The following HPSE2 variants were observed in gnomAD, a reference collection of about 807,000 sequenced individuals.
The protein encoded by HPSE2 is heparanase 2 (inactive), also known as inactive heparanase-2.
HPSE2 carries 38 observed loss-of-function variants against 60.5 expected under a neutral mutation model. The observed-to-expected ratio is 0.63, with a 90% CI of 0.48 to 0.82. The LOEUF is 0.82. Among genes scored for constraint, HPSE2 ranks in the 40% least tolerant of loss-of-function variants. The probability of loss-of-function intolerance (pLI) is 0.00; values close to 1 mark genes in which losing one functional copy is unlikely to be tolerated. For missense variants in HPSE2, 713 were observed against 740.4 expected (o/e 0.96, Z 0.43); for synonymous variants, 295 against 293.2 (o/e 1.01, Z -0.06).
chr10:99,133,216 G>GA (rs1845515377), intron 3 of HPSE2, among the ~76,000 whole-genome samples: 1 of 152,154 alleles, frequency 6.6e-6, no homozygotes, highest in African/African-American at 2.4e-5. Context: ...GGGCATGTCT[G>GA]AAAAAAAGGC....
At position 98,931,074 on chromosome 10, in the gene HPSE2, TTTTC is replaced by T. The variant is rs1954628514; in HGVS notation, c.611-187022_611-187019del. ...TATGTCCTGAATGGTATTGCCTAGA[TTTTC>T]TTCTAGGGTTTTTATGGTTTTCGGT... On this transcript the variant is annotated intron_variant, in intron 3 of 11. Coordinates refer to ENST00000370552, the MANE Select transcript of HPSE2 (RefSeq NM_021828.5). Among the ~76,000 whole-genome samples the T allele has an allele frequency of 1.4e-5, 2 of 144,272 alleles. 1 individual carries two copies. The highest frequency in any genetic ancestry group is 4.2e-4 in the South Asian group (2 of 4,748). The allele number at this position is 144,272 out of a possible 152,430, so 94.6% of individuals were successfully genotyped here.
chr10:99,298,583 T>C, the HPSE2 span, among the ~76,000 whole-genome samples: 1 of 152,188 alleles, frequency 6.6e-6, no homozygotes, highest in South Asian at 2.1e-4. Context: ...CTGGCCTAGA[T>C]ATGGTTCTTT....
intron 3 of HPSE2, among the ~76,000 whole-genome samples, chr10:99,136,205 T>C (rs1845644101): frequency 6.6e-6 from 1 of 152,088 alleles, no homozygotes; most frequent in South Asian, 2.1e-4. Context: ...GTCGAATCTC[T>C]GAAAAAACCA....
At chr10:98,943,248 A>G (rs2135162679) in intron 3 of HPSE2, among the ~76,000 whole-genome samples, 1 of 151,654 alleles carries the variant, frequency 6.6e-6, no homozygotes, top group Admixed American at 6.6e-5. Context: ...ACAATAAAAA[A>G]TTATAATAAA....
intron 3 of HPSE2, among the ~76,000 whole-genome samples, chr10:99,057,824 C>G (rs981660844): frequency 2.6e-5 from 4 of 152,178 alleles, no homozygotes; most frequent in African/African-American, 9.7e-5. Context: ...TCATGCTATC[C>G]TTTCCCGCCC....
At chr10:99,140,738 A>C (rs1260823677) in intron 3 of HPSE2, among the ~76,000 whole-genome samples, 3 of 152,194 alleles carry the variant, frequency 2.0e-5, no homozygotes, top group Non-Finnish European at 4.4e-5. Flanking sequence ...TCAATATTAT[A>C]CCTAAAAAGT....
chr10:98,513,764 T>C (rs1219174385), intron 9 of HPSE2, among the ~76,000 whole-genome samples: 1 of 152,232 alleles, frequency 6.6e-6, no homozygotes, highest in Non-Finnish European at 1.5e-5. Context: ...CATGAAAGTC[T>C]GGTATGCCAG....
chr10:99,012,208 T>C (rs1957033946), intron 3 of HPSE2, among the ~76,000 whole-genome samples: 1 of 152,130 alleles, frequency 6.6e-6, no homozygotes, highest in Non-Finnish European at 1.5e-5. Flanking sequence ...TTAATCACAA[T>C]TTATGATAGA....
intron 2 of HPSE2, among the ~76,000 whole-genome samples, chr10:99,201,775 C>T (rs1848582560): frequency 6.6e-6 from 1 of 152,080 alleles, no homozygotes; most frequent in African/African-American, 2.4e-5. Context: ...GGTTAATATG[C>T]ATAAAACAAA....
At chr10:99,205,000 A>G (rs1235574199) in intron 2 of HPSE2, among the ~76,000 whole-genome samples, 1 of 152,186 alleles carries the variant, frequency 6.6e-6, no homozygotes, top group Admixed American at 6.5e-5. Flanking sequence ...AGAAAACCAA[A>G]TGCTGCATGT....
At chr10:99,234,952 T>C (rs1289357112) in intron 1 of HPSE2, among the ~76,000 whole-genome samples, 2 of 152,242 alleles carry the variant, frequency 1.3e-5, no homozygotes, top group Admixed American at 1.3e-4. Flanking sequence ...AAATTTTAAC[T>C]CCGATCCAAC....
intron 3 of HPSE2, among the ~76,000 whole-genome samples, chr10:99,111,871 T>C (rs563255108): frequency 6.6e-6 from 1 of 152,338 alleles, no homozygotes; most frequent in Admixed American, 6.5e-5. Flanking sequence ...TCCTCCAATA[T>C]AGCCCCAATG....
chr10:99,260,628 G>A, the HPSE2 span, among the ~76,000 whole-genome samples: 5 of 152,052 alleles, frequency 3.3e-5, no homozygotes, highest in African/African-American at 9.7e-5. Context: ...AAACTCTGGC[G>A]CAGTCCCGGA....
At chr10:98,689,594 GTTTCTA>G (rs1948020817) in intron 6 of HPSE2, among the ~76,000 whole-genome samples, 2 of 151,966 alleles carry the variant, frequency 1.3e-5, no homozygotes, top group Admixed American at 1.3e-4. Flanking sequence ...TCATCTCAAG[GTTTCTA>G]TTTATTGCTT....
chr10:98,625,997 T>G (rs982408355), intron 7 of HPSE2, among the ~76,000 whole-genome samples: 1 of 151,778 alleles, frequency 6.6e-6, no homozygotes, highest in Non-Finnish European at 1.5e-5. Flanking sequence ...TTCCAGCTAC[T>G]TGGGAGCCTG....
intron 2 of HPSE2, among the ~76,000 whole-genome samples, chr10:99,219,784 T>A (rs1462385704): frequency 6.6e-6 from 1 of 152,214 alleles, no homozygotes; most frequent in African/African-American, 2.4e-5. Flanking sequence ...AGTGTAATTA[T>A]TTTTCTCCTG....
chr10:98,497,435 T>C (rs954190885), intron 9 of HPSE2, among the ~76,000 whole-genome samples: 1 of 152,180 alleles, frequency 6.6e-6, no homozygotes, highest in Admixed American at 6.5e-5. Context: ...AAACAATATA[T>C]ATAATTCTGT....
At chr10:98,533,349 A>T (rs2133805675) in intron 9 of HPSE2, among the ~76,000 whole-genome samples, 1 of 152,362 alleles carries the variant, frequency 6.6e-6, no homozygotes, top group African/African-American at 2.4e-5. Flanking sequence ...GACAGTTTGA[A>T]GATAGAATAA....
chr10:99,125,474 C>T (rs546996414), intron 3 of HPSE2, among the ~76,000 whole-genome samples: 2 of 152,328 alleles, frequency 1.3e-5, no homozygotes, highest in African/African-American at 4.8e-5. Flanking sequence ...TGGGTTAATA[C>T]ACAGTTCCCA....
Sources: gnomAD v4.1 joint callset for allele counts (sites outside exome capture counted in the v4.1 genomes callset) on GRCh38, gnomAD v4.1.1 for gene constraint, MANE v1.5 for transcripts, NCBI Gene and HGNC (gene_info 2026-07-23, HGNC 2026-07-21) for gene names.